PKNOX2: variants seen among roughly 807,000 people sequenced by gnomAD.
The protein encoded by PKNOX2 is PBX/knotted 1 homeobox 2, also known as homeobox protein PKNOX2.
Under a neutral mutation model 53.1 loss-of-function variants are expected in PKNOX2, and 14 were observed. That is an observed-to-expected ratio of 0.26 (90% CI 0.17 to 0.41). The LOEUF (loss-of-function observed/expected upper bound fraction) is 0.41, where lower values mean the gene tolerates loss of function less well. Among genes scored for constraint, PKNOX2 ranks in the 10% least tolerant of loss-of-function variants. The pLI is 1.00. For missense variants in PKNOX2, 496 were observed against 602.8 expected, an observed-to-expected ratio of 0.82 and a Z score of 1.85; for synonymous variants, 257 against 242.8, an observed-to-expected ratio of 1.06 and a Z score of -0.54.
chr11:125,306,566 T>C (rs987064327), intron 2 of PKNOX2, among the ~76,000 whole-genome samples: 3 of 152,266 alleles, frequency 2.0e-5, no homozygotes, highest in African/African-American at 7.2e-5. Context: ...GCATGATCCA[T>C]GCATTAACAT....
intron 2 of PKNOX2, among the ~76,000 whole-genome samples, chr11:125,284,870 G>A (rs534774756): frequency 9.2e-5 from 14 of 152,104 alleles, no homozygotes; most frequent in African/African-American, 3.1e-4. Flanking sequence ...CTTGATTTCT[G>A]GCTGTTTCCC....
At chr11:125,351,986 C>T (rs1258311110) in intron 4 of PKNOX2, among the ~76,000 whole-genome samples, 1 of 152,086 alleles carries the variant, frequency 6.6e-6, no homozygotes, top group African/African-American at 2.4e-5. Flanking sequence ...CAGACACAGC[C>T]GCCCCCCAAG....
chr11:125,366,460 G>T (rs1013146403), intron 4 of PKNOX2, among the ~76,000 whole-genome samples: 1 of 152,134 alleles, frequency 6.6e-6, no homozygotes, highest in Admixed American at 6.5e-5. Context: ...ACCTACTAGT[G>T]CCAGGCTATT....
At chr11:125,411,712 G>T (rs1025511666) in intron 9 of PKNOX2, 34 bp from the exon 10 acceptor site, 2 of 1,613,662 alleles carry the variant, frequency 1.2e-6, no homozygotes. Context: ...CTCACAGGCT[G>T]CTGATGCTGA....
intron 2 of PKNOX2, among the ~76,000 whole-genome samples, chr11:125,247,224 A>T (rs1214428909): frequency 6.6e-6 from 1 of 152,072 alleles, no homozygotes; most frequent in Non-Finnish European, 1.5e-5. Flanking sequence ...GCTTATCCAC[A>T]TGAGGTCCTC....
intron 3 of PKNOX2, among the ~76,000 whole-genome samples, chr11:125,345,694 C>T (rs1950933893): frequency 6.6e-6 from 1 of 152,176 alleles, no homozygotes; most frequent in African/African-American, 2.4e-5. Flanking sequence ...CTCCGTTCTA[C>T]CAGCAACACT....
At chr11:125,335,581 A>T (rs1224928121) in intron 3 of PKNOX2, among the ~76,000 whole-genome samples, 1 of 152,200 alleles carries the variant, frequency 6.6e-6, no homozygotes, top group Non-Finnish European at 1.5e-5. Flanking sequence ...TGGACTGAGC[A>T]CTTATAGTCA....
At chr11:125,414,099 G>A (rs181284342) in intron 10 of PKNOX2, among the ~76,000 whole-genome samples, 3 of 152,224 alleles carry the variant, frequency 2.0e-5, no homozygotes, top group Admixed American at 6.5e-5. Flanking sequence ...CCTTCCTTGT[G>A]AGCCTCCCTG....
intron 5 of PKNOX2, among the ~76,000 whole-genome samples, chr11:125,371,758 G>A (rs1489042092): frequency 2.0e-5 from 3 of 152,092 alleles, no homozygotes; most frequent in Non-Finnish European, 4.4e-5. Context: ...TGCTAAAGTT[G>A]TTGCCCATTA....
At chr11:125,271,010 G>A (rs971017278) in intron 2 of PKNOX2, among the ~76,000 whole-genome samples, 2 of 152,164 alleles carry the variant, frequency 1.3e-5, no homozygotes, top group Non-Finnish European at 2.9e-5. Context: ...CTTGGGGGGT[G>A]ACACAAGAAG....
At chr11:125,283,256 CAGAT>C in intron 2 of PKNOX2, among the ~76,000 whole-genome samples, 1 of 152,324 alleles carries the variant, frequency 6.6e-6, no homozygotes, top group East Asian at 1.9e-4. Flanking sequence ...AAGATTCTCA[CAGAT>C]AGGGCTTAGT....
chr11:125,418,647 C>A (rs2135601409), intron 10 of PKNOX2, among the ~76,000 whole-genome samples: 1 of 152,134 alleles, frequency 6.6e-6, no homozygotes, highest in Middle Eastern at 3.4e-3. Context: ...ACTCCACATT[C>A]TTTGCATGCC....
intron 4 of PKNOX2, among the ~76,000 whole-genome samples, chr11:125,364,104 A>C (rs922123765): frequency 9.9e-5 from 15 of 152,284 alleles, no homozygotes; most frequent in African/African-American, 2.6e-4. Flanking sequence ...AACTTCCCCC[A>C]AAAAAACTTA....
chr11:125,266,036 C>A (rs1005158823), intron 2 of PKNOX2, among the ~76,000 whole-genome samples: 6 of 152,110 alleles, frequency 3.9e-5, no homozygotes, highest in Non-Finnish European at 7.4e-5. Flanking sequence ...AGGTCTCTGC[C>A]CCGAGGCAGG....
intron 1 of PKNOX2, among the ~76,000 whole-genome samples, chr11:125,228,784 A>ATTTTGT (rs1941941995): frequency 6.6e-6 from 1 of 152,132 alleles, no homozygotes; most frequent in Admixed American, 6.5e-5. Flanking sequence ...TGGGCCATTA[A>ATTTTGT]TTTTGTTTTA....
At chr11:125,256,894 C>T (rs1387175169) in intron 2 of PKNOX2, among the ~76,000 whole-genome samples, 1 of 152,162 alleles carries the variant, frequency 6.6e-6, no homozygotes, top group Non-Finnish European at 1.5e-5. Flanking sequence ...CAAAGCTTTC[C>T]TTGTGGCTTT....
intron 1 of PKNOX2, among the ~76,000 whole-genome samples, chr11:125,174,361 A>G (rs1286147075): frequency 2.6e-5 from 4 of 152,160 alleles, no homozygotes; most frequent in African/African-American, 9.7e-5. Flanking sequence ...CATATTTTTG[A>G]TGAGGAGACC....
At position 125,196,203 on chromosome 11, in the gene PKNOX2, G is replaced by C. The variant is rs77327770; in HGVS notation, c.-201+31427G>C. Among the ~76,000 whole-genome samples the C allele has an allele frequency of 5.6e-3, 851 of 152,278 alleles. 5 individuals carry two copies. Among genetic ancestry groups the C allele is most frequent in the African/African-American group, 0.018 (735 of 41,536 alleles). On this transcript the variant is annotated intron_variant, in intron 1 of 12. Transcript: ENST00000298282. ...CTGAGCCTGCAGGATTGTCAGCATG[G>C]TCATTTTCCCAGAGCTTGTGTATTC...
intron 5 of PKNOX2, among the ~76,000 whole-genome samples, chr11:125,378,247 G>T (rs1302481140): frequency 3.3e-5 from 5 of 152,164 alleles, no homozygotes; most frequent in Non-Finnish European, 7.3e-5. Flanking sequence ...TAGGGCATAG[G>T]TTGGTAGCCA....
Sources: gnomAD v4.1 joint callset for allele counts (sites outside exome capture counted in the v4.1 genomes callset) on GRCh38, gnomAD v4.1.1 for gene constraint, MANE v1.5 for transcripts, NCBI Gene and HGNC (gene_info 2026-07-23, HGNC 2026-07-21) for gene names.